TTC13: variants seen among roughly 807,000 people sequenced by gnomAD.
The protein encoded by TTC13 is tetratricopeptide repeat domain 13, also known as tetratricopeptide repeat protein 13.
TTC13 carries 62 observed loss-of-function variants against 120.0 expected under a neutral mutation model. The observed-to-expected ratio is 0.52, with a 90% CI of 0.42 to 0.64. The LOEUF (loss-of-function observed/expected upper bound fraction) is 0.64. Among genes scored for constraint, TTC13 ranks in the 30% least tolerant of loss-of-function variants. The pLI, the probability that TTC13 is intolerant of heterozygous loss-of-function variation, is 0.00. For synonymous variants in TTC13, 384 were observed against 393.5 expected (o/e 0.98, Z 0.28); for missense variants, 824 against 1,050.2 (o/e 0.78, Z 2.98).
chr1:230,931,682 A>G (rs920060117), intron 10 of TTC13, 54 bp downstream of exon 10: 31 of 1,595,530 alleles, frequency 1.9e-5, no homozygotes, highest in African/African-American at 9.4e-5. Context: ...CTAAACTTCA[A>G]TGAAGAATAA....
intron 1 of TTC13, among the ~76,000 whole-genome samples, chr1:230,970,279 T>A (rs1376592691): frequency 8.5e-5 from 13 of 152,224 alleles, no homozygotes; most frequent in Admixed American, 8.5e-4. Flanking sequence ...GGACAAAAGC[T>A]AACCATAGAA....
chr1:230,921,522 T>C lies in TTC13; in HGVS notation c.1815-18A>G. The C allele has an allele frequency of 7.7e-7, 1 of 1,294,642 alleles. No homozygotes were observed. Among genetic ancestry groups the C allele is most frequent in the Non-Finnish European group, 1.1e-6 (1 of 936,632 alleles). 80.2% of individuals were successfully genotyped at this position (1,294,642 alleles called of 1,614,324 possible). A position where few individuals can be genotyped will look rare whatever the true frequency, so the allele number is the denominator to read the frequency against. On this transcript the variant is annotated intron_variant, in intron 15 of 22. Coordinates refer to ENST00000366661, the MANE Select transcript of TTC13 (RefSeq NM_024525.5). ...CCTGACCCCTATAAGGCAAAAATAA[T>C]AAAATTAAGAATATTTTTATAGAAG...
intron 2 of TTC13, among the ~76,000 whole-genome samples, chr1:230,959,201 G>C (rs965280323): frequency 2.0e-5 from 3 of 152,174 alleles, no homozygotes; most frequent in African/African-American, 7.2e-5. Context: ...TTTGAGGAGA[G>C]TCTACCATTT....
At chr1:230,919,377 C>CAA (rs1672355287) in intron 17 of TTC13, among the ~76,000 whole-genome samples, 2 of 152,020 alleles carry the variant, frequency 1.3e-5, no homozygotes, top group African/African-American at 4.8e-5. Context: ...GCTGGAAGGG[C>CAA]AAGAGAGGCC....
intron 3 of TTC13, among the ~76,000 whole-genome samples, chr1:230,955,412 C>T (rs1675961152): frequency 6.6e-6 from 1 of 151,748 alleles, no homozygotes; most frequent in Non-Finnish European, 1.5e-5. Flanking sequence ...ACCTGTAATC[C>T]CAGCACTTTG....
chr1:230,911,552 A>G lies in TTC13; in HGVS notation c.2230-3T>C. On this transcript the variant is annotated splice_polypyrimidine_tract_variant and splice_region_variant and intron_variant, in intron 19 of 22. Coordinates refer to ENST00000366661, the MANE Select transcript of TTC13 (RefSeq NM_024525.5). ...AAGTTGCAGACAGCATCAGCCTCCT[A>G]GAAAAAAAAGATACAGACTCATAAA... is the stretch of plus-strand genomic sequence containing the variant. The G allele has an allele frequency of 1.3e-6, 2 of 1,508,502 alleles. No individual in the cohort carries two copies. Among genetic ancestry groups the G allele is most frequent in the East Asian group, 2.4e-5 (1 of 42,212 alleles). The allele number at this position is 1,508,502 out of a possible 1,614,324, so 93.4% of individuals were successfully genotyped here. A position where few individuals can be genotyped will look rare whatever the true frequency, so the allele number is the denominator to read the frequency against.
chr1:230,978,547 G>GCCGCCCACTCA lies in TTC13; in HGVS notation c.271+2_271+12dup. On this transcript the variant is annotated intron_variant, in intron 1 of 22. Transcript: ENST00000366661. The surrounding 1 kb of genome is among the most constrained non-coding windows in gnomAD (Gnocchi z 5.6). ...GCCCCGGCCGACTCGGACGCCCGCC[G>GCCGCCCACTCA]CCGCCCACTCACCGCCGCACTCGGC... 1 of 946,126 alleles carries GCCGCCCACTCA rather than the reference G, an allele frequency of 1.1e-6. No homozygotes were observed. Among genetic ancestry groups the GCCGCCCACTCA allele is most frequent in the East Asian group, 3.4e-5 (1 of 29,384 alleles). The allele number at this position is 946,126 out of a possible 1,614,324, so 58.6% of individuals were successfully genotyped here. A position where few individuals can be genotyped will look rare whatever the true frequency, so the allele number is the denominator to read the frequency against.
In TTC13 at chr1:230,932,233, AT is replaced by A. The variant is rs1448854838; in HGVS notation, c.984-357del. ...ACACACTTTTCCCATTTGGAAAAAA[AT>A]ATACCAATTATAATCATAAACAGTT... On this transcript the variant is annotated intron_variant, in intron 9 of 22. Transcript: ENST00000366661. 4.6e-5 allele frequency among the ~76,000 whole-genome samples: 7 copies of A among 152,336 alleles called. No homozygotes were observed. In the South Asian group the frequency reaches 8.3e-4, roughly 18 times the overall value.
chr1:230,928,970 T>C lies in TTC13; in HGVS notation c.1424A>G (p.Tyr475Cys). ...AKNLPFLIEDYEEQPGLQPHI... is the reference protein window; with the variant it reads ...AKNLPFLIEDCEEQPGLQPHI... ...GGGTTGCAACCCTGGCTGCTCTTCG[T>C]AGTCTTCTATGAGGAAAGGCAAATT... The change falls in exon 12 of 23, where the codon TAC becomes TGC. Residue 475 changes from tyrosine (Y) to cysteine (C), a missense_variant. Coordinates refer to ENST00000366661, the MANE Select transcript of TTC13 (RefSeq NM_024525.5). The C allele has an allele frequency of 6.2e-7, 1 of 1,614,144 alleles. No homozygotes were observed. Among genetic ancestry groups the C allele is most frequent in the Non-Finnish European group, 8.5e-7 (1 of 1,180,004 alleles).
chr1:230,960,777 C>T (rs1412382634), intron 2 of TTC13, among the ~76,000 whole-genome samples: 2 of 152,148 alleles, frequency 1.3e-5, no homozygotes, highest in African/African-American at 4.8e-5. Flanking sequence ...AGGAGATGCA[C>T]TAACATGGAT....
intron 17 of TTC13, 78 bp from the exon 18 acceptor site, chr1:230,916,380 T>A: frequency 2.8e-6 from 3 of 1,056,570 alleles, no homozygotes; most frequent in Non-Finnish European, 4.4e-6. Flanking sequence ...TAGTGCTGGC[T>A]CTACCTTACA....
In TTC13 at chr1:230,924,992, G is replaced by C. The variant is rs569120907; in HGVS notation, c.1589-19C>G. 15 of 1,613,894 alleles carry C rather than the reference G, an allele frequency of 9.3e-6. No homozygotes were observed. The highest frequency in any genetic ancestry group is 1.3e-5 in the Non-Finnish European group (15 of 1,179,990). ...CCCATAGCTACGAGAAAGGAATATCGAGAAGAGTTAGTACACTTTAGAGGG... is the reference window on the plus strand; with the variant it reads ...CCCATAGCTACGAGAAAGGAATATCCAGAAGAGTTAGTACACTTTAGAGGG... On this transcript the variant is annotated intron_variant, in intron 13 of 22. Transcript: ENST00000366661.
At chr1:230,943,765 T>A in intron 6 of TTC13, 41 bp downstream of exon 6, 1 of 1,491,830 alleles carries the variant, frequency 6.7e-7, no homozygotes, top group South Asian at 1.3e-5. Flanking sequence ...GAGATTCAAC[T>A]AATCCAATAA....
chr1:230,962,085 C>T (rs1330055949), intron 1 of TTC13, among the ~76,000 whole-genome samples: 3 of 152,078 alleles, frequency 2.0e-5, no homozygotes, highest in Non-Finnish European at 2.9e-5. Flanking sequence ...TGGCAGGTGC[C>T]TGTAATCCCA....
rs1675865403 is a variant in TTC13, at chr1:230,954,385, A to G, written c.461T>C (p.Ile154Thr). The G allele has an allele frequency of 6.2e-7, 1 of 1,612,382 alleles. No homozygotes were observed. The highest frequency in any genetic ancestry group is 1.7e-5 in the Admixed American group (1 of 59,900). The change falls in exon 4 of 23, where the codon ATT becomes ACT. Residue 154 changes from isoleucine (I) to threonine (T), a missense_variant. By Grantham distance (89) the Ile-to-Thr change is moderately conservative. Around this residue, in one of 4 missense-constraint regions of TTC13, gnomAD observed 430 missense variants for 626.8 expected, o/e 0.69. Transcript: ENST00000366661. ...TGCTTCATCATACAGACCACTGCCA[A>G]TCAAGACATAAGCAATAGCTATGAA... The part of the protein sequence containing the change: ...NEELAIAYVL[I>T]GSGLYDEAIR...
At chr1:230,923,140 T>A (rs1029131345) in intron 15 of TTC13, among the ~76,000 whole-genome samples, 5 of 152,208 alleles carry the variant, frequency 3.3e-5, no homozygotes, top group Admixed American at 6.5e-5. Context: ...ACAACTACCA[T>A]ATCTATACAT....
At chr1:230,969,264 A>AAAAAG (rs59423340) in intron 1 of TTC13, among the ~76,000 whole-genome samples, 86,149 of 149,832 alleles carry the variant, frequency 0.57, 25,025 homozygotes, top group Middle Eastern at 0.67. Context: ...TCCATCTCAA[A>AAAAAG]AAAAGAAAAG....
At chr1:230,914,286 C>T (rs1281766407) in intron 18 of TTC13, among the ~76,000 whole-genome samples, 1 of 152,160 alleles carries the variant, frequency 6.6e-6, no homozygotes, top group Non-Finnish European at 1.5e-5. Context: ...AGACCAACCC[C>T]TCCGTATCCT....
intron 3 of TTC13, among the ~76,000 whole-genome samples, chr1:230,955,299 C>T (rs989334801): frequency 3.9e-5 from 6 of 152,118 alleles, no homozygotes; most frequent in Admixed American, 3.9e-4. Flanking sequence ...TAGGACCTAA[C>T]AGGTGTTCAA....
Sources: gnomAD v4.1 joint callset for allele counts (sites outside exome capture counted in the v4.1 genomes callset) on GRCh38, gnomAD v4.1.1 for gene constraint, gnomAD v4.1.1 regional missense constraint, Gnocchi (gnomAD v3.1) non-coding constraint, MANE v1.5 for transcripts, NCBI Gene and HGNC (gene_info 2026-07-23, HGNC 2026-07-21) for gene names.